The following PLCXD3 variants were observed in gnomAD, a reference collection of about 807,000 sequenced individuals.
PLCXD3 encodes the protein phosphatidylinositol specific phospholipase C X domain containing 3.
PLCXD3 carries 19 observed loss-of-function variants against 25.5 expected under a neutral mutation model. The observed-to-expected ratio is 0.75, with a 90% CI of 0.52 to 1.09. The LOEUF is 1.09. Ranked by LOEUF, PLCXD3 falls within the 50% of genes least tolerant of loss-of-function variation. The probability of loss-of-function intolerance (pLI) is 0.00; values close to 1 mark genes in which losing one functional copy is unlikely to be tolerated. For synonymous variants in PLCXD3, 174 were observed against 137.6 expected, an observed-to-expected ratio of 1.26 and a Z score of -1.85; for missense variants, 411 against 388.1, an observed-to-expected ratio of 1.06 and a Z score of -0.50.
intron 1 of PLCXD3, among the ~76,000 whole-genome samples, chr5:41,466,193 G>C (rs1232686292): frequency 1.3e-5 from 2 of 151,604 alleles, no homozygotes; most frequent in African/African-American, 4.8e-5. Flanking sequence ...AGACTTTAAG[G>C]GTTAAAAATT....
chr5:41,368,232 G>T (rs1744993153), intron 2 of PLCXD3, among the ~76,000 whole-genome samples: 1 of 151,988 alleles, frequency 6.6e-6, no homozygotes, highest in Non-Finnish European at 1.5e-5. Flanking sequence ...ATTATGAATG[G>T]TAGTTCATTC....
chr5:41,374,042 T>G (rs918901990), intron 2 of PLCXD3, among the ~76,000 whole-genome samples: 1 of 152,054 alleles, frequency 6.6e-6, no homozygotes, highest in East Asian at 1.9e-4. Flanking sequence ...GTAGAGGAGC[T>G]GTAGCTTAGA....
chr5:41,417,117 C>T lies in PLCXD3; in HGVS notation c.104-34583G>A, dbSNP rs79589919. Among the ~76,000 whole-genome samples the T allele has an allele frequency of 3.9e-3, 592 of 152,186 alleles. 22 individuals carry two copies. The East Asian group carries it at 0.089, about 23-fold the overall frequency. On this transcript the variant is annotated intron_variant, in intron 1 of 2. Transcript: ENST00000377801. ...TTACATATCCCTTGCTGAGCTATTACGATAATCAAGTGAAACACTGAAATA... is the reference window on the plus strand; with the variant it reads ...TTACATATCCCTTGCTGAGCTATTATGATAATCAAGTGAAACACTGAAATA...
At chr5:41,319,070 T>C (rs1580295826) in intron 2 of PLCXD3, among the ~76,000 whole-genome samples, 1 of 152,266 alleles carries the variant, frequency 6.6e-6, no homozygotes, top group East Asian at 1.9e-4. Flanking sequence ...GATATAGCAA[T>C]TGTAAATATA....
chr5:41,479,008 C>T (rs1416559115), intron 1 of PLCXD3, among the ~76,000 whole-genome samples: 2 of 152,118 alleles, frequency 1.3e-5, no homozygotes, highest in Non-Finnish European at 2.9e-5. Flanking sequence ...TCTGACAAGG[C>T]CCCTCCCCTA....
chr5:41,333,736 G>C (rs535242668), intron 2 of PLCXD3, among the ~76,000 whole-genome samples: 3 of 152,220 alleles, frequency 2.0e-5, no homozygotes, highest in African/African-American at 7.2e-5. Flanking sequence ...GGTGACCTGG[G>C]ATTTCCTGAA....
chr5:41,401,076 C>T (rs1409964856), intron 1 of PLCXD3, among the ~76,000 whole-genome samples: 1 of 151,850 alleles, frequency 6.6e-6, no homozygotes, highest in Non-Finnish European at 1.5e-5. Flanking sequence ...CAGTCTTTAA[C>T]TCATTTTAAA....
At chr5:41,504,043 C>A (rs1749008081) in intron 1 of PLCXD3, among the ~76,000 whole-genome samples, 1 of 151,688 alleles carries the variant, frequency 6.6e-6, no homozygotes, top group Admixed American at 6.6e-5. Context: ...TGGGTCAGAG[C>A]ACATCAATTA....
intron 1 of PLCXD3, among the ~76,000 whole-genome samples, chr5:41,408,630 C>G (rs1162362658): frequency 6.6e-6 from 1 of 152,044 alleles, no homozygotes; most frequent in African/African-American, 2.4e-5. Flanking sequence ...TTTTAATAAA[C>G]TGTCTGAGGT....
chr5:41,319,929 A>C (rs1743414196), intron 2 of PLCXD3, among the ~76,000 whole-genome samples: 1 of 152,202 alleles, frequency 6.6e-6, no homozygotes, highest in African/African-American at 2.4e-5. Context: ...GAGACATTAC[A>C]ACTGACACTG....
intron 2 of PLCXD3, among the ~76,000 whole-genome samples, chr5:41,336,639 A>C (rs1446572489): frequency 6.6e-6 from 1 of 152,110 alleles, no homozygotes; most frequent in African/African-American, 2.4e-5. Flanking sequence ...TTCCCAACTA[A>C]GTTTCTGTCT....
intron 1 of PLCXD3, among the ~76,000 whole-genome samples, chr5:41,482,341 A>G (rs1302394771): frequency 6.6e-6 from 1 of 152,172 alleles, no homozygotes; most frequent in African/African-American, 2.4e-5. Flanking sequence ...ATCCATGAAG[A>G]GAAATTGTCT....
chr5:41,399,995 A>T (rs543052200), intron 1 of PLCXD3, among the ~76,000 whole-genome samples: 1 of 152,282 alleles, frequency 6.6e-6, no homozygotes, highest in African/African-American at 2.4e-5. Context: ...CTGTATAGGA[A>T]TAAAGCTAAT....
At chr5:41,400,258 C>T (rs562962052) in intron 1 of PLCXD3, among the ~76,000 whole-genome samples, 253 of 152,182 alleles carry the variant, frequency 1.7e-3, no homozygotes, top group Middle Eastern at 3.4e-3. Flanking sequence ...ATTAGTGCAA[C>T]CACTATGGAG....
intron 1 of PLCXD3, among the ~76,000 whole-genome samples, chr5:41,505,150 A>G (rs1228207369): frequency 6.6e-6 from 1 of 152,200 alleles, no homozygotes; most frequent in Non-Finnish European, 1.5e-5. Flanking sequence ...TTACACGAGT[A>G]AAGCTTATGG....
At chr5:41,412,138 T>C (rs1301235474) in intron 1 of PLCXD3, among the ~76,000 whole-genome samples, 1 of 152,100 alleles carries the variant, frequency 6.6e-6, no homozygotes, top group African/African-American at 2.4e-5. Context: ...ATAGGAACTG[T>C]TTAGACTGGA....
At position 41,308,281 on chromosome 5, in the gene PLCXD3, CT is replaced by C. The variant is rs549700454; in HGVS notation, c.*5335del. 1 of 151,980 alleles carries C rather than the reference CT, an allele frequency of 6.6e-6. No individual in the cohort carries two copies. Among genetic ancestry groups the C allele is most frequent in the Non-Finnish European group, 1.5e-5 (1 of 67,974 alleles). The allele number at this position is 151,980 out of a possible 1,614,324, so 9.4% of individuals were successfully genotyped here. A position where few individuals can be genotyped will look rare whatever the true frequency, so the allele number is the denominator to read the frequency against. ...CAGTTACATTTGAATTTCAGATAAACTTTTTTTAAAGTGAAAGTATGTCTGA... is the reference window on the plus strand; with the variant it reads ...CAGTTACATTTGAATTTCAGATAAACTTTTTTAAAGTGAAAGTATGTCTGA... On this transcript the variant is annotated 3_prime_UTR_variant, in exon 3 of 3. Transcript: ENST00000377801.
chr5:41,444,353 A>G (rs1010799574), intron 1 of PLCXD3, among the ~76,000 whole-genome samples: 2 of 152,344 alleles, frequency 1.3e-5, no homozygotes, highest in Non-Finnish European at 2.9e-5. Context: ...TAGCACTTCA[A>G]GTACCAGAAT....
chr5:41,454,180 T>A (rs1227360395), intron 1 of PLCXD3, among the ~76,000 whole-genome samples: 1 of 151,964 alleles, frequency 6.6e-6, no homozygotes, highest in Non-Finnish European at 1.5e-5. Context: ...AAATAGGGTC[T>A]TTGCAGATAT....
Sources: allele counts gnomAD v4.1 joint callset (sites outside exome capture counted in the v4.1 genomes callset), GRCh38; gene constraint gnomAD v4.1.1; transcripts MANE v1.5; gene names NCBI Gene and HGNC (gene_info 2026-07-23, HGNC 2026-07-21).